RIT2: variants seen among roughly 807,000 people sequenced by gnomAD.
RIT2 encodes Ras like without CAAX 2.
A neutral mutation model predicts 23.7 loss-of-function variants in RIT2; 24 were observed. The ratio of observed to expected loss-of-function variants is 1.01; its 90% CI spans 0.73 to 1.43. RIT2 has a LOEUF of 1.43. RIT2 is among the 40% of genes most tolerant of loss of function. RIT2 has a pLI of 0.00. For missense variants in RIT2, 236 were observed against 266.9 expected, an observed-to-expected ratio of 0.88 and a Z score of 0.81; for synonymous variants, 107 against 91.1, an observed-to-expected ratio of 1.17 and a Z score of -0.99.
At chr18:42,818,689 C>T (rs1379917116) in intron 4 of RIT2, among the ~76,000 whole-genome samples, 1 of 151,878 alleles carries the variant, frequency 6.6e-6, no homozygotes, top group Non-Finnish European at 1.5e-5. Context: ...ACTGACTGTA[C>T]TAAAAAAATC....
intron 1 of RIT2, among the ~76,000 whole-genome samples, chr18:43,060,238 A>C (rs563678012): frequency 6.6e-6 from 1 of 152,270 alleles, no homozygotes; most frequent in South Asian, 2.1e-4. Flanking sequence ...GCAACACTCA[A>C]AATAGAATCA....
intron 4 of RIT2, among the ~76,000 whole-genome samples, chr18:42,885,585 C>CA (rs1283661895): frequency 2.5e-4 from 37 of 147,854 alleles, no homozygotes; most frequent in Admixed American, 6.1e-4. Flanking sequence ...GACTCTGTCT[C>CA]AAAAAAAAAT....
At chr18:42,797,786 G>A (rs935176206) in intron 4 of RIT2, among the ~76,000 whole-genome samples, 3 of 152,332 alleles carry the variant, frequency 2.0e-5, no homozygotes, top group Admixed American at 2.0e-4. Context: ...TAGGTCACTA[G>A]TGGGAAGAAC....
intron 4 of RIT2, among the ~76,000 whole-genome samples, chr18:42,796,943 T>G (rs1012594504): frequency 6.6e-6 from 1 of 152,148 alleles, no homozygotes; most frequent in East Asian, 1.9e-4. Flanking sequence ...GTAAAAGAAA[T>G]AAAAAGAAGT....
At chr18:43,112,758 A>G (rs1429762944) in intron 1 of RIT2, among the ~76,000 whole-genome samples, 2 of 152,128 alleles carry the variant, frequency 1.3e-5, no homozygotes, top group Non-Finnish European at 2.9e-5. Flanking sequence ...AAAATAAAAA[A>G]GAATAAATAT....
At chr18:42,784,694 C>A (rs1913886598) in intron 4 of RIT2, among the ~76,000 whole-genome samples, 1 of 152,090 alleles carries the variant, frequency 6.6e-6, no homozygotes, top group Non-Finnish European at 1.5e-5. Flanking sequence ...ACTAGCCTTC[C>A]ATATTCAGTC....
chr18:42,928,511 A>G (rs1422069784), intron 3 of RIT2, among the ~76,000 whole-genome samples: 2 of 152,084 alleles, frequency 1.3e-5, no homozygotes, highest in Non-Finnish European at 2.9e-5. Context: ...TTAATCATCT[A>G]AGACCTGCTT....
chr18:42,906,021 TGTATATATATATATAC>T, intron 4 of RIT2, among the ~76,000 whole-genome samples: 5 of 14,692 alleles, frequency 3.4e-4, no homozygotes, highest in African/African-American at 1.6e-3. Context: ...TATATATATA[TGTATATATATATATAC>T]ATATATATAT....
intron 1 of RIT2, among the ~76,000 whole-genome samples, chr18:43,065,448 T>C (rs911844028): frequency 2.0e-5 from 3 of 152,098 alleles, no homozygotes; most frequent in South Asian, 2.1e-4. Flanking sequence ...TAGCAACTTA[T>C]TTCATTTTAA....
chr18:42,885,798 TG>T (rs765308182), intron 4 of RIT2, among the ~76,000 whole-genome samples: 32 of 152,206 alleles, frequency 2.1e-4, no homozygotes, highest in Admixed American at 9.8e-4. Context: ...AACACATATT[TG>T]CATATACAAT....
chr18:42,944,341 T>C (rs1358332310), intron 3 of RIT2, among the ~76,000 whole-genome samples: 1 of 151,982 alleles, frequency 6.6e-6, no homozygotes, highest in African/African-American at 2.4e-5. Context: ...TCAAGATTGG[T>C]TCTTTATTTA....
intron 4 of RIT2, among the ~76,000 whole-genome samples, chr18:42,890,036 G>A: frequency 6.6e-6 from 1 of 151,950 alleles, no homozygotes; most frequent in African/African-American, 2.4e-5. Context: ...ATACGTTTAG[G>A]CAGTATTGTA....
chr18:43,033,258 G>A (rs1246601171), intron 2 of RIT2, among the ~76,000 whole-genome samples: 1 of 152,082 alleles, frequency 6.6e-6, no homozygotes, highest in Non-Finnish European at 1.5e-5. Flanking sequence ...ATGACAGAAA[G>A]AAAACTGGGT....
intron 4 of RIT2, among the ~76,000 whole-genome samples, chr18:42,871,394 GCACA>G: frequency 6.6e-6 from 1 of 151,848 alleles, no homozygotes; most frequent in Non-Finnish European, 1.5e-5. Context: ...GTGTATACAT[GCACA>G]CACACATATA....
chr18:42,953,069 A>G (rs1909891438), intron 3 of RIT2, among the ~76,000 whole-genome samples: 1 of 151,650 alleles, frequency 6.6e-6, no homozygotes, highest in Non-Finnish European at 1.5e-5. Flanking sequence ...TCTTCAATCT[A>G]CAAAATCAGT....
At position 43,073,236 on chromosome 18, in the gene RIT2, C is replaced by T. The variant is rs574615185; in HGVS notation, c.104-39369G>A. Among the ~76,000 whole-genome samples, 13 of 152,296 alleles carry T rather than the reference C, an allele frequency of 8.5e-5. 1 individual carries two copies. Among genetic ancestry groups the T allele is most frequent in the Admixed American group, 3.3e-4 (5 of 15,300 alleles). On this transcript the variant is annotated intron_variant, in intron 1 of 4. Coordinates refer to ENST00000326695, the MANE Select transcript of RIT2 (RefSeq NM_002930.4). ...CATTGGTTAGCATGAGATCAGTCCT[C>T]ACTGACCCTCTGAAGATTCCTCCAC...
intron 4 of RIT2, among the ~76,000 whole-genome samples, chr18:42,837,127 A>T (rs979477559): frequency 7.2e-6 from 1 of 138,112 alleles, no homozygotes; most frequent in Admixed American, 7.2e-5. Flanking sequence ...TTAAAGTGCT[A>T]TAAAAATTTC....
chr18:43,092,868 T>A (rs183784220), intron 1 of RIT2, among the ~76,000 whole-genome samples: 21 of 152,184 alleles, frequency 1.4e-4, no homozygotes, highest in Admixed American at 1.1e-3. Context: ...CTTGGGCCAG[T>A]CTGGAATAGT....
At chr18:42,919,927 C>A (rs1228551750) in intron 4 of RIT2, among the ~76,000 whole-genome samples, 1 of 152,066 alleles carries the variant, frequency 6.6e-6, no homozygotes, top group African/African-American at 2.4e-5. Flanking sequence ...GCTCAAGGAC[C>A]TAATGTTGTT....
Sources: gnomAD v4.1 joint callset for allele counts (sites outside exome capture counted in the v4.1 genomes callset) on GRCh38, gnomAD v4.1.1 for gene constraint, MANE v1.5 for transcripts, NCBI Gene and HGNC (gene_info 2026-07-23, HGNC 2026-07-21) for gene names.